Variants in CHAMP1 observed in about 807,000 individuals in gnomAD.
CHAMP1 encodes the protein chromosome alignment maintaining phosphoprotein 1.
A neutral mutation model predicts 54.5 loss-of-function variants in CHAMP1; 4 were observed. That is an observed-to-expected ratio of 0.07 (90% CI 0.04 to 0.17). The LOEUF is 0.17. Ranked by LOEUF, CHAMP1 falls within the 10% of genes least tolerant of loss-of-function variation. CHAMP1 has a pLI of 1.00. For missense variants in CHAMP1, 994 were observed against 968.6 expected (o/e 1.03, Z -0.35); for synonymous variants, 368 against 342.2 (o/e 1.08, Z -0.83).
chr13:114,320,732 G>T (rs184466888), intron 1 of CHAMP1, among the ~76,000 whole-genome samples: 5 of 151,892 alleles, frequency 3.3e-5, no homozygotes, highest in Admixed American at 6.6e-5. Flanking sequence ...CGAGGCGGGC[G>T]GATCACGAGG....
chr13:114,325,328 A>T lies in CHAMP1; in HGVS notation c.1486A>T (p.Thr496Ser), dbSNP rs782623150. ...GCCTCAGAAACCTGTCTTCCCTGAG[A>T]CCCGAAAACCAGGTCCTTCTGGGCC... ...IEPQKPVFPE[T>S]RKPGPSGPSE... Residue 496 changes from threonine (T) to serine (S), a missense_variant, in exon 3 of 3, where the codon ACC (threonine) becomes TCC (serine). By Grantham distance (58) the Thr-to-Ser change is moderately conservative. This residue lies in a region of CHAMP1 where 851 missense variants were observed against 701.3 expected (regional missense o/e 1.21). Transcript: ENST00000361283. The T allele has an allele frequency of 6.2e-7, 1 of 1,613,918 alleles. No individual in the cohort carries two copies. Among genetic ancestry groups the T allele is most frequent in the Non-Finnish European group, 8.5e-7 (1 of 1,180,018 alleles).
At position 114,314,640 on chromosome 13, in the gene CHAMP1, A is replaced by G. The variant is rs1254463112; in HGVS notation, c.-182A>G. 1 of 151,976 alleles carries G rather than the reference A, an allele frequency of 6.6e-6. No homozygotes were observed. 9.4% of individuals were successfully genotyped at this position (151,976 alleles called of 1,614,324 possible). A position where few individuals can be genotyped will look rare whatever the true frequency, so the allele number is the denominator to read the frequency against. ...CCCACTGGACGCCGCCCGCGGCCGG[A>G]CCGGTGAGGAGCGAGAGCGAGCGGG... is the stretch of plus-strand genomic sequence containing the variant. On this transcript the variant is annotated 5_prime_UTR_variant, in exon 1 of 3. Coordinates refer to ENST00000361283, the MANE Select transcript of CHAMP1 (RefSeq NM_032436.4).
chr13:114,324,716 C>A lies in CHAMP1; in HGVS notation c.874C>A (p.Pro292Thr). ...SPSESPEPWK[P>T]FPAVSPEPRR... ...TTCAGAGTCTCCTGAACCTTGGAAG[C>A]CGTTCCCTGCTGTCTCCCCAGAGCC... The change falls in exon 3 of 3, where the codon CCG (proline) becomes ACG (threonine). Residue 292 changes from proline (P) to threonine (T), a missense_variant. Around this residue, in one of 3 missense-constraint regions of CHAMP1, gnomAD observed 851 missense variants for 701.3 expected, o/e 1.21. Coordinates refer to ENST00000361283, the MANE Select transcript of CHAMP1 (RefSeq NM_032436.4). 6.2e-7 allele frequency: 1 copy of A among 1,613,748 alleles called. No homozygotes were observed. Among genetic ancestry groups the A allele is most frequent in the Non-Finnish European group, 8.5e-7 (1 of 1,179,776 alleles).
At chr13:114,316,258 G>T (rs1265084022) in intron 1 of CHAMP1, among the ~76,000 whole-genome samples, 1 of 149,180 alleles carries the variant, frequency 6.7e-6, no homozygotes, top group Non-Finnish European at 1.5e-5. Flanking sequence ...CCGTCTCTCG[G>T]ATTTAAGCGA....
At chr13:114,323,695 C>G (rs903359991) in intron 2 of CHAMP1, 93 bp from the exon 3 acceptor site, 87 of 1,058,724 alleles carry the variant, frequency 8.2e-5, no homozygotes, top group Non-Finnish European at 1.7e-5. Context: ...ACGCACTGTT[C>G]TAGACTTAAA....
At position 114,325,532 on chromosome 13, in the gene CHAMP1, C is replaced by G. The variant is rs782337047; in HGVS notation, c.1690C>G (p.Pro564Ala). 3.1e-6 allele frequency: 5 copies of G among 1,614,128 alleles called. No individual in the cohort carries two copies. Among genetic ancestry groups the G allele is most frequent in the South Asian group, 1.1e-5 (1 of 91,084 alleles). ...GAAGCATGCCCTTTTCCCTGAACTCCCCAAATCTGCTCTATTCTCAGAATC... is the reference window on the plus strand; with the variant it reads ...GAAGCATGCCCTTTTCCCTGAACTCGCCAAATCTGCTCTATTCTCAGAATC... Reference protein sequence around the residue: ...PRKHALFPELPKSALFSESQK... With the variant: ...PRKHALFPELAKSALFSESQK... The change falls in exon 3 of 3, where the codon CCC becomes GCC. Residue 564 changes from proline (P) to alanine (A), a missense_variant. Pro to Ala is a conservative substitution (Grantham distance 27, BLOSUM62 -1). Coordinates refer to ENST00000361283, the MANE Select transcript of CHAMP1 (RefSeq NM_032436.4).
chr13:114,321,648 C>G (rs1271182739), intron 2 of CHAMP1, among the ~76,000 whole-genome samples: 2 of 152,128 alleles, frequency 1.3e-5, no homozygotes, highest in Non-Finnish European at 1.5e-5. Flanking sequence ...GAGACATATC[C>G]TACGTTTTCC....
In CHAMP1 at chr13:114,325,626, T is replaced by G; in HGVS notation, c.1784T>G (p.Leu595Trp). Reference protein sequence around the residue: ...DAIDDQKCDILVQEELLASPK... With the variant: ...DAIDDQKCDIWVQEELLASPK... ...ATAGATGATCAAAAATGTGATATTTTGGTTCAGGAAGAACTTCTAGCTTCA... is the reference window on the plus strand; with the variant it reads ...ATAGATGATCAAAAATGTGATATTTGGGTTCAGGAAGAACTTCTAGCTTCA... The change falls in exon 3 of 3, where the codon TTG (leucine) becomes TGG (tryptophan). Residue 595 changes from leucine to tryptophan, a missense_variant. By Grantham distance (61) the Leu-to-Trp change is moderately conservative. This residue lies in a region of CHAMP1 where 851 missense variants were observed against 701.3 expected (regional missense o/e 1.21). Transcript: ENST00000361283. The G allele has an allele frequency of 6.2e-7, 1 of 1,614,224 alleles. No individual in the cohort carries two copies. The highest frequency in any genetic ancestry group is 8.5e-7 in the Non-Finnish European group (1 of 1,180,034).
At chr13:114,315,696 G>A (rs761360248) in intron 1 of CHAMP1, among the ~76,000 whole-genome samples, 13 of 152,158 alleles carry the variant, frequency 8.5e-5, no homozygotes, top group Non-Finnish European at 1.6e-4. Context: ...AGTGGAGAGT[G>A]GAAGTTACTG....
In CHAMP1 at chr13:114,325,134, G is replaced by C; in HGVS notation, c.1292G>C (p.Arg431Pro). 1 of 1,614,110 alleles carries C rather than the reference G, an allele frequency of 6.2e-7. No homozygotes were observed. Among genetic ancestry groups the C allele is most frequent in the Non-Finnish European group, 8.5e-7 (1 of 1,180,026 alleles). Residue 431 changes from arginine to proline, a missense_variant, in exon 3 of 3, where the codon CGT becomes CCT. Coordinates refer to ENST00000361283, the MANE Select transcript of CHAMP1 (RefSeq NM_032436.4). ...GGCCCACCACTATCCCCAGAGATCC[G>C]TAGTCCAGCAGGATCTCCAGAGCTC... ...KPGPPLSPEI[R>P]SPAGSPELRK...
chr13:114,323,658 C>G (rs1555379290), intron 2 of CHAMP1, 130 bp from the exon 3 acceptor site: 1 of 703,376 alleles, frequency 1.4e-6, no homozygotes, highest in African/African-American at 1.8e-5. Context: ...TCTTCAAATT[C>G]TCCCTAGAGA....
chr13:114,325,551 C>T lies in CHAMP1; in HGVS notation c.1709C>T (p.Ser570Leu), dbSNP rs1566792637. 3 of 1,614,160 alleles carry T rather than the reference C, an allele frequency of 1.9e-6. No individual in the cohort carries two copies. Among genetic ancestry groups the T allele is most frequent in the Non-Finnish European group, 2.5e-6 (3 of 1,180,034 alleles). The part of the protein sequence containing the change: ...FPELPKSALF[S>L]ESQKAVELGD... ...GAACTCCCCAAATCTGCTCTATTCT[C>T]AGAATCACAGAAGGCTGTTGAGCTT... Residue 570 changes from serine (S) to leucine (L), a missense_variant, in exon 3 of 3, where the codon TCA becomes TTA. By Grantham distance (145) the Ser-to-Leu change is moderately radical. Coordinates refer to ENST00000361283, the MANE Select transcript of CHAMP1 (RefSeq NM_032436.4).
Position 114,324,436 on chromosome 13 carries a change from A to C in CHAMP1, c.594A>C (p.Lys198Asn). Residue 198 changes from lysine to asparagine, a missense_variant, in exon 3 of 3, where the codon AAA becomes AAC. This residue lies in a region of CHAMP1 where 851 missense variants were observed against 701.3 expected (regional missense o/e 1.21). Transcript: ENST00000361283. Reference sequence around the variant, plus strand: ...CAGTCCCTGTTTGTGAGTCTCAGAAACTTGCCCCTGTTCCTTCTCCAGAAC... The same window carrying C: ...CAGTCCCTGTTTGTGAGTCTCAGAACCTTGCCCCTGTTCCTTCTCCAGAAC... Reference protein sequence around the residue: ...PKSVPVCESQKLAPVPSPEPQ... With the variant: ...PKSVPVCESQNLAPVPSPEPQ... 6.2e-7 allele frequency: 1 copy of C among 1,614,092 alleles called. No individual in the cohort carries two copies. The highest frequency in any genetic ancestry group is 8.5e-7 in the Non-Finnish European group (1 of 1,180,020).
intron 1 of CHAMP1, among the ~76,000 whole-genome samples, chr13:114,317,244 C>T (rs1158608373): frequency 2.0e-5 from 3 of 152,060 alleles, no homozygotes; most frequent in African/African-American, 7.2e-5. Context: ...AGGCTGGTCA[C>T]GAACTCCTGT....
At chr13:114,318,994 A>G (rs2087137006) in intron 1 of CHAMP1, among the ~76,000 whole-genome samples, 1 of 150,340 alleles carries the variant, frequency 6.7e-6, no homozygotes, top group Non-Finnish European at 1.5e-5. Flanking sequence ...AATATGGGAT[A>G]TAGTTCTCTA....
chr13:114,321,713 A>G (rs1200993374), intron 2 of CHAMP1, among the ~76,000 whole-genome samples: 4 of 152,118 alleles, frequency 2.6e-5, no homozygotes, highest in Non-Finnish European at 5.9e-5. Context: ...TGGTTAACCC[A>G]TTATTTTTCC....
rs1429431994 is a variant in CHAMP1, at chr13:114,316,525, G to T, written c.-179+1882G>T. Among the ~76,000 whole-genome samples the T allele has an allele frequency of 2.6e-5, 4 of 151,504 alleles. No homozygotes were observed. In the East Asian group the frequency reaches 7.9e-4, roughly 30 times the overall value. On this transcript the variant is annotated intron_variant, in intron 1 of 2. Coordinates refer to ENST00000361283, the MANE Select transcript of CHAMP1 (RefSeq NM_032436.4). ...GAATCGCTTGAACCTGGGAGGTGGA[G>T]ATTGCAGTGAGCCGAGATTGCGCCA...
intron 1 of CHAMP1, among the ~76,000 whole-genome samples, chr13:114,318,311 CA>C (rs1179829527): frequency 1.4e-5 from 2 of 145,452 alleles, no homozygotes; most frequent in African/African-American, 5.1e-5. Flanking sequence ...TGCTGATCAT[CA>C]TTTTTTTTTT....
Position 114,324,390 on chromosome 13 carries a change from C to A in CHAMP1, c.548C>A (p.Ser183Tyr). 6.2e-7 allele frequency: 1 copy of A among 1,614,192 alleles called. No individual in the cohort carries two copies. Among genetic ancestry groups the A allele is most frequent in the Non-Finnish European group, 8.5e-7 (1 of 1,180,042 alleles). ...SPEPSKPASV[S>Y]SPEPPKSVPV... ...GAGCCTTCAAAACCTGCCTCTGTTT[C>A]TTCTCCTGAACCTCCAAAATCAGTC... is the stretch of plus-strand genomic sequence containing the variant. The change falls in exon 3 of 3, where the codon TCT becomes TAT. Residue 183 changes from serine to tyrosine, a missense_variant. Ser to Tyr is a moderately radical substitution (Grantham distance 144). Around this residue, in one of 3 missense-constraint regions of CHAMP1, gnomAD observed 851 missense variants for 701.3 expected, o/e 1.21. Coordinates refer to ENST00000361283, the MANE Select transcript of CHAMP1 (RefSeq NM_032436.4).
Sources: gnomAD v4.1 joint callset for allele counts (sites outside exome capture counted in the v4.1 genomes callset) on GRCh38, gnomAD v4.1.1 for gene constraint, gnomAD v4.1.1 regional missense constraint, MANE v1.5 for transcripts, NCBI Gene and HGNC (gene_info 2026-07-23, HGNC 2026-07-21) for gene names.